NR2F1-AS1: variants seen among roughly 807,000 people sequenced by gnomAD.
NR2F1-AS1 encodes the protein NR2F1 regulatory antisense RNA 1.
chr5:93,548,608 A>G (rs994642196), intron 4 of NR2F1-AS1, among the ~76,000 whole-genome samples: 2 of 152,148 alleles, frequency 1.3e-5, no homozygotes, highest in African/African-American at 4.8e-5. Flanking sequence ...CACACCTGTA[A>G]TTCCAGCACT....
At chr5:93,437,791 T>G (rs562208271) in intron 4 of NR2F1-AS1, among the ~76,000 whole-genome samples, 1 of 152,252 alleles carries the variant, frequency 6.6e-6, no homozygotes, top group East Asian at 1.9e-4. Flanking sequence ...AGCCAAAGTT[T>G]ATATATTTTA....
intron 4 of NR2F1-AS1, among the ~76,000 whole-genome samples, chr5:93,537,333 CA>C (rs1201273824): frequency 6.6e-6 from 1 of 152,084 alleles, no homozygotes; most frequent in African/African-American, 2.4e-5. Context: ...TGCTTTTACA[CA>C]GCAAAGGAAA....
intron 4 of NR2F1-AS1, among the ~76,000 whole-genome samples, chr5:93,441,583 G>T (rs1398107786): frequency 1.3e-5 from 2 of 152,136 alleles, no homozygotes; most frequent in African/African-American, 2.4e-5. Context: ...GAAAGATCAA[G>T]GTAGCTCAAC....
chr5:93,530,706 G>A (rs771493502), intron 4 of NR2F1-AS1, among the ~76,000 whole-genome samples: 2 of 152,002 alleles, frequency 1.3e-5, no homozygotes, highest in South Asian at 2.1e-4. Context: ...GAAAAATGAC[G>A]GACATGCCTA....
chr5:93,428,990 T>C (rs1343765002), intron 4 of NR2F1-AS1, among the ~76,000 whole-genome samples: 3 of 152,202 alleles, frequency 2.0e-5, no homozygotes, highest in Non-Finnish European at 2.9e-5. Flanking sequence ...TATGGCTTTG[T>C]AGAATGACTA....
At chr5:93,454,608 C>A (rs1749906388) in intron 4 of NR2F1-AS1, among the ~76,000 whole-genome samples, 1 of 152,126 alleles carries the variant, frequency 6.6e-6, no homozygotes, top group Non-Finnish European at 1.5e-5. Flanking sequence ...TTGGCGGGCT[C>A]CTGAATAGCC....
intron 4 of NR2F1-AS1, among the ~76,000 whole-genome samples, chr5:93,469,551 C>T (rs1411989694): frequency 1.3e-5 from 2 of 152,014 alleles, no homozygotes; most frequent in African/African-American, 4.8e-5. Flanking sequence ...TTAACAGAAC[C>T]TCTGTGTAGG....
At chr5:93,570,567 C>T (rs1254769222) in intron 1 of NR2F1-AS1, 1 of 152,198 alleles carries the variant, frequency 6.6e-6, no homozygotes, top group Non-Finnish European at 1.5e-5. Context: ...CCGCGCGGAA[C>T]CGGGCCGTGG....
chr5:93,566,671 A>G (rs1208839394), intron 1 of NR2F1-AS1, among the ~76,000 whole-genome samples: 1 of 151,948 alleles, frequency 6.6e-6, no homozygotes, highest in Non-Finnish European at 1.5e-5. Flanking sequence ...TTTCTGGAAA[A>G]CAATTGGGCA....
intron 4 of NR2F1-AS1, among the ~76,000 whole-genome samples, chr5:93,470,756 TTATTAGA>T (rs1750349046): frequency 6.6e-6 from 1 of 151,880 alleles, no homozygotes; most frequent in African/African-American, 2.4e-5. Flanking sequence ...AACATTTCCC[TTATTAGA>T]TATTATCATG....
At position 93,576,967 on chromosome 5, in the gene NR2F1-AS1, G is replaced by A. The variant is rs1189218620; in HGVS notation, n.313+3500C>T. On this transcript the variant is annotated intron_variant and non_coding_transcript_variant, in intron 1 of 5. Transcript: ENST00000660523. ...AATAAATAAATTTTATAACATAAAA[G>A]TCTTCAATTATTTCCTTTTTTCTTT... Among the ~76,000 whole-genome samples, 4 of 152,206 alleles carry A rather than the reference G, an allele frequency of 2.6e-5. No individual in the cohort carries two copies. The East Asian group carries it at 7.7e-4, about 29-fold the overall frequency.
chr5:93,443,044 C>T lies in NR2F1-AS1; in HGVS notation n.639-47502G>A, dbSNP rs563680699. ...CCACACCAAAACCCCATCTGTACAT[C>T]ACCATCATCAAAGACCAAAGGTAGA... On this transcript the variant is annotated intron_variant and non_coding_transcript_variant, in intron 4 of 5. Transcript: ENST00000660523. Among the ~76,000 whole-genome samples the T allele has an allele frequency of 1.2e-4, 18 of 152,336 alleles. No individual in the cohort carries two copies. The South Asian group carries it at 3.5e-3, about 30-fold the overall frequency.
intron 4 of NR2F1-AS1, among the ~76,000 whole-genome samples, chr5:93,527,481 A>G (rs938828462): frequency 6.6e-6 from 1 of 152,226 alleles, no homozygotes; most frequent in Non-Finnish European, 1.5e-5. Flanking sequence ...TCCTCACAGA[A>G]TCAGAAAAAA....
intron 4 of NR2F1-AS1, among the ~76,000 whole-genome samples, chr5:93,452,524 T>C (rs1247340256): frequency 2.0e-5 from 3 of 151,962 alleles, no homozygotes; most frequent in Non-Finnish European, 1.5e-5. Context: ...AGACAGGAGG[T>C]AGCTAAATGG....
intron 1 of NR2F1-AS1, among the ~76,000 whole-genome samples, chr5:93,578,122 A>G (rs1025124333): frequency 6.6e-6 from 1 of 152,084 alleles, no homozygotes; most frequent in East Asian, 1.9e-4. Flanking sequence ...ATGGAGGGAG[A>G]GGATATGTTA....
chr5:93,512,007 AC>A (rs1225231494), intron 4 of NR2F1-AS1, among the ~76,000 whole-genome samples: 2 of 152,326 alleles, frequency 1.3e-5, no homozygotes, highest in South Asian at 2.1e-4. Context: ...TGACTATGTT[AC>A]TGGCTTATGT....
At chr5:93,459,077 G>A (rs1024839427) in intron 4 of NR2F1-AS1, among the ~76,000 whole-genome samples, 50 of 152,092 alleles carry the variant, frequency 3.3e-4, no homozygotes, top group African/African-American at 1.1e-3. Context: ...TGCAAAAGAT[G>A]TATCTGATAA....
chr5:93,537,468 A>G (rs2149903574), intron 4 of NR2F1-AS1, among the ~76,000 whole-genome samples: 1 of 152,262 alleles, frequency 6.6e-6, no homozygotes, highest in East Asian at 1.9e-4. Context: ...AACAACAACA[A>G]AAAACTCAAT....
At chr5:93,496,838 G>C (rs1750970772) in intron 4 of NR2F1-AS1, among the ~76,000 whole-genome samples, 1 of 152,184 alleles carries the variant, frequency 6.6e-6, no homozygotes, top group Non-Finnish European at 1.5e-5. Context: ...ATAATAAAGA[G>C]ACGGTCACAT....
Sources: gnomAD v4.1 joint callset for allele counts (sites outside exome capture counted in the v4.1 genomes callset) on GRCh38, gnomAD v4.1.1 for gene constraint, MANE v1.5 for transcripts, NCBI Gene and HGNC (gene_info 2026-07-23, HGNC 2026-07-21) for gene names.